Variants in ITGAL observed in about 807,000 individuals in gnomAD.
ITGAL encodes the protein integrin subunit alpha L.
In ITGAL, 68 loss-of-function variants were observed where a neutral mutation model predicts 138.4. The observed-to-expected ratio is 0.49, with a 90% CI of 0.40 to 0.60. The LOEUF (loss-of-function observed/expected upper bound fraction) is 0.60, where lower values mean the gene tolerates loss of function less well. Among genes scored for constraint, ITGAL ranks in the 20% least tolerant of loss-of-function variants. The pLI is 0.00. For synonymous variants in ITGAL, 561 were observed against 584.3 expected, an observed-to-expected ratio of 0.96 and a Z score of 0.57; for missense variants, 1,256 against 1,478.6, an observed-to-expected ratio of 0.85 and a Z score of 2.47.
intron 17 of ITGAL, chr16:30,503,800 C>T: frequency 6.0e-6 from 1 of 167,668 alleles, no homozygotes; most frequent in South Asian, 1.5e-4. Context: ...AAGACCCAGC[C>T]CTATTCTCAA....
In ITGAL at chr16:30,489,405, T is replaced by G. The variant is rs556812442; in HGVS notation, c.1213+19T>G. The G allele has an allele frequency of 3.3e-5, 54 of 1,611,992 alleles. No homozygotes were observed. The South Asian group carries it at 5.2e-4, about 15-fold the overall frequency. On this transcript the variant is annotated intron_variant, in intron 11 of 30. Coordinates refer to ENST00000356798, the MANE Select transcript of ITGAL (RefSeq NM_002209.3). ...TATTTGGGTGAGTACTTCTCTTTTC[T>G]GCTGGGATCTTCTGGTTGTTGAGGT...
At chr16:30,493,028 G>A (rs907549319) in intron 11 of ITGAL, among the ~76,000 whole-genome samples, 2 of 151,764 alleles carry the variant, frequency 1.3e-5, no homozygotes, top group Admixed American at 6.6e-5. Context: ...TGGGATCACA[G>A]GTGTGCATCA....
chr16:30,486,408 CA>C lies in ITGAL; in HGVS notation c.1006+2161del, dbSNP rs67561933. Among the ~76,000 whole-genome samples the C allele has an allele frequency of 6.3e-3, 753 of 118,742 alleles. 7 individuals are homozygous for C. Among genetic ancestry groups the C allele is most frequent in the Admixed American group, 7.9e-3 (97 of 12,292 alleles). 77.9% of individuals were successfully genotyped at this position (118,742 alleles called of 152,430 possible). A position where few individuals can be genotyped will look rare whatever the true frequency, so the allele number is the denominator to read the frequency against. Reference sequence around the variant, plus strand: ...CTGGGTGACAAGAGCAAAACTGTCTCAAAAAAAAAAAAAAAATCAGCAGCAA... The same window carrying C: ...CTGGGTGACAAGAGCAAAACTGTCTCAAAAAAAAAAAAAAATCAGCAGCAA... On this transcript the variant is annotated intron_variant, in intron 9 of 30. Transcript: ENST00000356798.
intron 4 of ITGAL, 106 bp downstream of exon 4, chr16:30,475,686 A>G (rs1457797308): frequency 6.2e-6 from 5 of 806,934 alleles, no homozygotes; most frequent in Non-Finnish European, 1.1e-5. Flanking sequence ...AGATGGTCAA[A>G]GGCATCAGAG....
chr16:30,504,052 A>G (rs912479121), intron 17 of ITGAL, 123 bp from the exon 18 acceptor site: 3 of 738,834 alleles, frequency 4.1e-6, no homozygotes, highest in Non-Finnish European at 7.1e-6. Flanking sequence ...CAATACTGGT[A>G]GGGTCTTAGA....
chr16:30,477,760 C>T (rs2050491987), intron 4 of ITGAL, among the ~76,000 whole-genome samples: 1 of 150,394 alleles, frequency 6.6e-6, no homozygotes, highest in Non-Finnish European at 1.5e-5. Flanking sequence ...GTGGCGTGTG[C>T]CTGTAGTCCC....
rs7201914 is a variant in ITGAL at position 30,510,934 on chromosome 16, G to A, written c.2673G>A (p.Ser891=). 1.5e-5 allele frequency: 25 copies of A among 1,613,846 alleles called. No homozygotes were observed. Among genetic ancestry groups the A allele is most frequent in the East Asian group, 2.2e-5 (1 of 44,866 alleles). Reference sequence around the variant, plus strand: ...TGGTAAACAGCTCCTGGGGGGACTCGGTTGAATTGCACGCCAATGTGACCT... The same window carrying A: ...TGGTAAACAGCTCCTGGGGGGACTCAGTTGAATTGCACGCCAATGTGACCT... The part of the protein sequence containing the change: ...NTLVNSSWGD[S]VELHANVTCN... The change falls in exon 23 of 31, where the codon TCG becomes TCA. Residue 891 remains serine, a synonymous_variant. Coordinates refer to ENST00000356798, the MANE Select transcript of ITGAL (RefSeq NM_002209.3).
chr16:30,495,749 T>G (rs752918349), intron 13 of ITGAL, among the ~76,000 whole-genome samples: 1 of 152,092 alleles, frequency 6.6e-6, no homozygotes, highest in Non-Finnish European at 1.5e-5. Context: ...CTTGGGAGGC[T>G]GAGGTGGGAG....
intron 13 of ITGAL, among the ~76,000 whole-genome samples, chr16:30,495,344 G>T (rs1254788842): frequency 6.6e-6 from 1 of 152,002 alleles, no homozygotes; most frequent in Non-Finnish European, 1.5e-5. Flanking sequence ...ATTCTTAGTA[G>T]AGACCATGTT....
At chr16:30,496,769 G>T (rs1433286802) in intron 15 of ITGAL, among the ~76,000 whole-genome samples, 1 of 151,200 alleles carries the variant, frequency 6.6e-6, no homozygotes, top group African/African-American at 2.4e-5. Flanking sequence ...AGCCTCTCGG[G>T]TAGCTGAGAC....
At chr16:30,488,194 C>CAA (rs553242288) in intron 9 of ITGAL, among the ~76,000 whole-genome samples, 51 of 105,586 alleles carry the variant, frequency 4.8e-4, no homozygotes, top group Non-Finnish European at 7.2e-4. Context: ...GACCCTGTCT[C>CAA]AAAAAAAAAA....
chr16:30,515,757 A>C (rs2051157219), intron 25 of ITGAL, among the ~76,000 whole-genome samples: 1 of 152,146 alleles, frequency 6.6e-6, no homozygotes, highest in Non-Finnish European at 1.5e-5. Flanking sequence ...AGATCACCTG[A>C]GGTCAGGAGT....
chr16:30,486,495 T>A (rs7187409), intron 9 of ITGAL, among the ~76,000 whole-genome samples: 12,031 of 151,026 alleles, frequency 0.08, 909 homozygotes, highest in African/African-American at 0.2. Flanking sequence ...AAATGAAAAG[T>A]GATTTTTTAA....
chr16:30,504,512 G>T (rs184798077), intron 18 of ITGAL, among the ~76,000 whole-genome samples: 50 of 152,074 alleles, frequency 3.3e-4, no homozygotes, highest in African/African-American at 1.0e-3. Context: ...AGACCAGCCT[G>T]GGCAACATAG....
chr16:30,498,614 A>G (rs2050838364), intron 15 of ITGAL, among the ~76,000 whole-genome samples: 1 of 152,078 alleles, frequency 6.6e-6, no homozygotes, highest in Admixed American at 6.6e-5. Context: ...TATCACCATT[A>G]TTGGCCAGGC....
chr16:30,514,830 T>C (rs985859901), intron 25 of ITGAL, among the ~76,000 whole-genome samples: 3 of 150,498 alleles, frequency 2.0e-5, no homozygotes, highest in Admixed American at 6.6e-5. Flanking sequence ...CTTTTCTTTT[T>C]TTTTTTTTTT....
intron 11 of ITGAL, among the ~76,000 whole-genome samples, chr16:30,490,216 A>C (rs1455845706): frequency 7.6e-6 from 1 of 131,842 alleles, no homozygotes; most frequent in Non-Finnish European, 1.6e-5. Context: ...TGACAGAGCG[A>C]GACTCCGTCT....
chr16:30,484,033 G>T lies in ITGAL; in HGVS notation c.855+74G>T, dbSNP rs936218966. ...GAACCCCAAGCCCCTTTCTCCCTGG[G>T]GCCAGACTCTTGTGAAAATAATAGC... is the stretch of plus-strand genomic sequence containing the variant. On this transcript the variant is annotated intron_variant, in intron 8 of 30. Coordinates refer to ENST00000356798, the MANE Select transcript of ITGAL (RefSeq NM_002209.3). The T allele has an allele frequency of 5.0e-6, 8 of 1,594,842 alleles. No individual in the cohort carries two copies. In the African/African-American group the frequency reaches 1.1e-4, roughly 21 times the overall value.
intron 11 of ITGAL, among the ~76,000 whole-genome samples, chr16:30,491,237 T>C (rs35069260): frequency 0.083 from 12,391 of 149,532 alleles, 652 homozygotes; most frequent in Non-Finnish European, 0.13. Flanking sequence ...TCCGTCTCTA[T>C]AAAAATGCAA....
Sources: allele counts gnomAD v4.1 joint callset (sites outside exome capture counted in the v4.1 genomes callset), GRCh38; gene constraint gnomAD v4.1.1; transcripts MANE v1.5; gene names NCBI Gene and HGNC (gene_info 2026-07-23, HGNC 2026-07-21).